Variants in TRABD2B observed in about 807,000 individuals in gnomAD.
The protein encoded by TRABD2B is TraB domain containing 2B.
In TRABD2B, 14 loss-of-function variants were observed where a neutral mutation model predicts 40.1. That is an observed-to-expected ratio of 0.35 (90% CI 0.23 to 0.55). The LOEUF is 0.55. Among genes scored for constraint, TRABD2B ranks in the 20% least tolerant of loss-of-function variants. TRABD2B has a pLI of 0.90. For synonymous variants in TRABD2B, 263 were observed against 277.0 expected (o/e 0.95, Z 0.50); for missense variants, 541 against 648.6 (o/e 0.83, Z 1.80).
intron 2 of TRABD2B, among the ~76,000 whole-genome samples, chr1:47,958,581 C>T (rs1336402380): frequency 1.3e-5 from 2 of 148,468 alleles, no homozygotes; most frequent in African/African-American, 2.5e-5. Context: ...ATAAAACAGA[C>T]TTTAAACCAA....
At chr1:47,905,859 G>T (rs529877676) in intron 2 of TRABD2B, among the ~76,000 whole-genome samples, 1 of 152,276 alleles carries the variant, frequency 6.6e-6, no homozygotes, top group Admixed American at 6.5e-5. Context: ...GAAGTGGAAG[G>T]CAAGGTTTTA....
intron 2 of TRABD2B, among the ~76,000 whole-genome samples, chr1:47,890,598 A>G (rs1644431554): frequency 6.6e-6 from 1 of 152,136 alleles, no homozygotes; most frequent in Non-Finnish European, 1.5e-5. Flanking sequence ...CAGGTGACTG[A>G]GCACTGACAG....
chr1:47,965,204 GGGGGGGTGGAGGGGGGGGT>G (rs1645581995), intron 2 of TRABD2B, among the ~76,000 whole-genome samples: 2 of 113,152 alleles, frequency 1.8e-5, no homozygotes, highest in African/African-American at 6.7e-5. Context: ...CGGGGGGCGG[GGGGGGGTGGAGGGGGGGGT>G]GGGGGGGGTG....
chr1:47,802,407 G>A (rs1430431186), intron 2 of TRABD2B, among the ~76,000 whole-genome samples: 1 of 152,156 alleles, frequency 6.6e-6, no homozygotes, highest in African/African-American at 2.4e-5. Context: ...GGGACACTGA[G>A]GCCCAGGGAA....
intron 2 of TRABD2B, among the ~76,000 whole-genome samples, chr1:47,960,471 G>A (rs575769433): frequency 3.9e-4 from 60 of 152,224 alleles, no homozygotes; most frequent in African/African-American, 1.3e-3. Context: ...AAACCCGATT[G>A]TCTCAGCCCA....
chr1:47,943,737 T>C (rs1300344015), intron 2 of TRABD2B, among the ~76,000 whole-genome samples: 2 of 148,764 alleles, frequency 1.3e-5, no homozygotes, highest in Non-Finnish European at 3.0e-5. Flanking sequence ...TTTCCAACTA[T>C]ACGTGAGATG....
rs555535481 is a variant in TRABD2B, at chr1:47,913,392, T to C, written c.666+80642A>G. Among the ~76,000 whole-genome samples the C allele has an allele frequency of 8.5e-4, 130 of 152,306 alleles. 2 individuals carry two copies. The highest frequency in any genetic ancestry group is 7.3e-3 in the Admixed American group (112 of 15,306). On this transcript the variant is annotated intron_variant, in intron 2 of 6. Transcript: ENST00000606738. ...GCGGGATACTTGGGCGCGACCTAAG[T>C]GTGCTCTGCACCCATCAGAAACAAC...
At chr1:47,826,085 G>A (rs999070001) in intron 2 of TRABD2B, among the ~76,000 whole-genome samples, 1 of 152,334 alleles carries the variant, frequency 6.6e-6, no homozygotes, top group South Asian at 2.1e-4. Flanking sequence ...GGCAAGTGAG[G>A]TTGGAAGGTC....
intron 2 of TRABD2B, among the ~76,000 whole-genome samples, chr1:47,882,312 G>A (rs539634825): frequency 2.8e-4 from 42 of 152,196 alleles, no homozygotes; most frequent in Non-Finnish European, 4.9e-4. Context: ...CAGTGATCTC[G>A]TCCGTTCTGC....
chr1:47,932,580 G>A (rs1488875453), intron 2 of TRABD2B, among the ~76,000 whole-genome samples: 4 of 152,098 alleles, frequency 2.6e-5, no homozygotes, highest in Admixed American at 6.5e-5. Flanking sequence ...ATTGATGCAG[G>A]GAAGAGAAGG....
intron 5 of TRABD2B, among the ~76,000 whole-genome samples, chr1:47,777,065 G>A (rs922763920): frequency 6.6e-6 from 1 of 152,188 alleles, no homozygotes; most frequent in Non-Finnish European, 1.5e-5. Flanking sequence ...GAGCCCATGG[G>A]GGAGCTGTGG....
At chr1:47,894,869 C>T (rs1217680378) in intron 2 of TRABD2B, among the ~76,000 whole-genome samples, 2 of 152,152 alleles carry the variant, frequency 1.3e-5, no homozygotes, top group African/African-American at 4.8e-5. Flanking sequence ...TCAGATGGCA[C>T]TCCTGCCCTC....
chr1:47,990,823 ATAT>A, intron 2 of TRABD2B, among the ~76,000 whole-genome samples: 1 of 79,106 alleles, frequency 1.3e-5, no homozygotes, highest in Non-Finnish European at 2.3e-5. Flanking sequence ...ATATATATAT[ATAT>A]ATATATATAA....
At chr1:47,873,087 G>A (rs572336248) in intron 2 of TRABD2B, among the ~76,000 whole-genome samples, 10 of 152,250 alleles carry the variant, frequency 6.6e-5, no homozygotes, top group Admixed American at 5.9e-4. Context: ...CTAGCTCTAG[G>A]GGGTAGCTTT....
chr1:47,879,332 T>C (rs1644268442), intron 2 of TRABD2B, among the ~76,000 whole-genome samples: 1 of 152,234 alleles, frequency 6.6e-6, no homozygotes, highest in Admixed American at 6.5e-5. Flanking sequence ...GTAAAATTTT[T>C]ATTTTATTTT....
intron 3 of TRABD2B, among the ~76,000 whole-genome samples, chr1:47,799,783 C>T (rs1465708530): frequency 2.0e-5 from 3 of 151,912 alleles, no homozygotes; most frequent in Admixed American, 1.3e-4. Context: ...TTCTTCCATG[C>T]CCTCTCATCT....
intron 2 of TRABD2B, among the ~76,000 whole-genome samples, chr1:47,965,108 T>G (rs779775697): frequency 3.4e-5 from 5 of 148,938 alleles, no homozygotes; most frequent in African/African-American, 5.0e-5. Flanking sequence ...CAGGACTTGA[T>G]CAAATAGGTT....
chr1:47,840,293 G>A (rs989997697), intron 2 of TRABD2B, among the ~76,000 whole-genome samples: 21 of 152,138 alleles, frequency 1.4e-4, no homozygotes, highest in Non-Finnish European at 2.2e-4. Context: ...AGCAGTCTTC[G>A]ACAAGGCCCC....
chr1:47,778,661 GC>G, intron 4 of TRABD2B, 117 bp from the exon 5 acceptor site: 1 of 720,282 alleles, frequency 1.4e-6, no homozygotes, highest in Non-Finnish European at 2.4e-6. Context: ...CAAAGTCAAT[GC>G]CCCAGATTCC....
Sources: allele counts gnomAD v4.1 joint callset (sites outside exome capture counted in the v4.1 genomes callset), GRCh38; gene constraint gnomAD v4.1.1; transcripts MANE v1.5; gene names NCBI Gene and HGNC (gene_info 2026-07-23, HGNC 2026-07-21).